PNPLA7: variants seen among roughly 807,000 people sequenced by gnomAD.
The protein encoded by PNPLA7 is patatin-like phospholipase domain-containing protein 7.
A neutral mutation model predicts 161.7 loss-of-function variants in PNPLA7; 153 were observed. That is an observed-to-expected ratio of 0.95 (90% CI 0.83 to 1.08). The LOEUF (loss-of-function observed/expected upper bound fraction) is 1.08, where lower values mean the gene tolerates loss of function less well. PNPLA7 is among the 50% of genes least tolerant of loss of function. PNPLA7 has a pLI of 0.00. For missense variants in PNPLA7, 1,739 were observed against 1,856.6 expected (o/e 0.94, Z 1.16); for synonymous variants, 809 against 782.1 (o/e 1.03, Z -0.57).
At position 137,493,072 on chromosome 9, in the gene PNPLA7, C is replaced by A; in HGVS notation, c.2138G>T (p.Arg713Leu). The change falls in exon 20 of 35, where the codon CGG becomes CTG. Residue 713 changes from arginine to leucine, a missense_variant. This residue lies in a region of PNPLA7 where 192 missense variants were observed against 249.5 expected (regional missense o/e 0.77). Coordinates refer to ENST00000406427, the MANE Select transcript of PNPLA7 (RefSeq NM_001098537.3). Reference protein sequence around the residue: ...IKRRYPQVVTRLIHLLGEKIL... With the variant: ...IKRRYPQVVTLLIHLLGEKIL... ...CTTCTCACCCAAGAGATGAATCAGC[C>A]GAGTCACCACCTGCGGGCAGACACA... 6.2e-7 allele frequency: 1 copy of A among 1,613,892 alleles called. No homozygotes were observed. The highest frequency in any genetic ancestry group is 8.5e-7 in the Non-Finnish European group (1 of 1,179,996).
intron 8 of PNPLA7, among the ~76,000 whole-genome samples, chr9:137,536,184 C>T (rs1835881100): frequency 6.6e-6 from 1 of 151,098 alleles, no homozygotes; most frequent in South Asian, 2.1e-4. Context: ...AAAAGTACAA[C>T]AAAAAGACAA....
chr9:137,467,388 A>G lies in PNPLA7; in HGVS notation c.2968T>C (p.Phe990Leu). Reference sequence around the variant, plus strand: ...TCCTCAGAGTACAGGGCACCCACGAAGGCCCCGATGGACGTGCCTCCCACC... The same window carrying G: ...TCCTCAGAGTACAGGGCACCCACGAGGGCCCCGATGGACGTGCCTCCCACC... ...DMVGGTSIGA[F>L]VGALYSEERN... is the part of the protein sequence containing the mutation. Residue 990 changes from phenylalanine (F) to leucine (L), a missense_variant, in exon 26 of 35, where the codon TTC becomes CTC. Phe to Leu is a conservative substitution (Grantham distance 22). This residue lies in a region of PNPLA7 where 703 missense variants were observed against 694.6 expected (regional missense o/e 1.01). Transcript: ENST00000406427. This position sits in a 1 kb window ranked among gnomAD's most constrained non-coding sequence, Gnocchi z 5.1. 1 of 1,613,400 alleles carries G rather than the reference A, an allele frequency of 6.2e-7. No homozygotes were observed. Among genetic ancestry groups the G allele is most frequent in the Non-Finnish European group, 8.5e-7 (1 of 1,179,948 alleles).
In PNPLA7 at chr9:137,520,081, A is replaced by G. The variant is rs374529142; in HGVS notation, c.958-38T>C. 6.2e-7 allele frequency: 1 copy of G among 1,607,368 alleles called. No individual in the cohort carries two copies. The highest frequency in any genetic ancestry group is 1.3e-5 in the African/African-American group (1 of 74,838). Reference sequence around the variant, plus strand: ...AAGGAAGTTCAGTGCCACCCCAGGAACACCCCACACCCACTGACAGGTGTG... The same window carrying G: ...AAGGAAGTTCAGTGCCACCCCAGGAGCACCCCACACCCACTGACAGGTGTG... On this transcript the variant is annotated intron_variant, in intron 10 of 34. Coordinates refer to ENST00000406427, the MANE Select transcript of PNPLA7 (RefSeq NM_001098537.3). The surrounding 1 kb of genome is among the most constrained non-coding windows in gnomAD (Gnocchi z 5.2).
At chr9:137,513,982 G>A (rs1225779295) in intron 12 of PNPLA7, among the ~76,000 whole-genome samples, 1 of 152,272 alleles carries the variant, frequency 6.6e-6, no homozygotes, top group African/African-American at 2.4e-5. Flanking sequence ...TGCGGCAGGA[G>A]CACGGCTGCA....
intron 11 of PNPLA7, among the ~76,000 whole-genome samples, chr9:137,519,710 G>C (rs911931466): frequency 6.6e-6 from 1 of 151,326 alleles, no homozygotes; most frequent in East Asian, 1.9e-4. Flanking sequence ...GCACGTGAGG[G>C]GACCTGGGGT....
intron 21 of PNPLA7, among the ~76,000 whole-genome samples, chr9:137,483,545 C>T (rs1463266281): frequency 6.6e-6 from 1 of 152,142 alleles, no homozygotes; most frequent in Admixed American, 6.5e-5. Context: ...ACCTCTACCT[C>T]CTGGGTTCAA....
intron 12 of PNPLA7, chr9:137,509,844 G>A (rs1176874993): frequency 9.8e-6 from 4 of 408,900 alleles, no homozygotes; most frequent in South Asian, 6.8e-5. Flanking sequence ...TATAAAACAA[G>A]AATAGTTATA....
intron 21 of PNPLA7, among the ~76,000 whole-genome samples, chr9:137,482,745 G>A (rs556556310): frequency 1.3e-4 from 20 of 152,268 alleles, no homozygotes; most frequent in Non-Finnish European, 2.6e-4. Context: ...AAACGCCAAC[G>A]TCCCGGCCTC....
chr9:137,544,064 G>A (rs1836358386), intron 4 of PNPLA7, among the ~76,000 whole-genome samples: 1 of 152,094 alleles, frequency 6.6e-6, no homozygotes, highest in African/African-American at 2.4e-5. Flanking sequence ...GAGCCCCCAG[G>A]CTTCATGCCT....
Position 137,540,792 on chromosome 9 carries a change from GC to G in PNPLA7, c.667-71del, listed in dbSNP as rs1201199876. ...GACCGCGGGGCCTGGCGGAGGCTCA[GC>G]CCAGCCCAGGGCAGTGGGGCCACGG... On this transcript the variant is annotated intron_variant, in intron 7 of 34. Coordinates refer to ENST00000406427, the MANE Select transcript of PNPLA7 (RefSeq NM_001098537.3). This position sits in a 1 kb window ranked among gnomAD's most constrained non-coding sequence, Gnocchi z 5.1. 3 of 1,441,598 alleles carry G rather than the reference GC, an allele frequency of 2.1e-6. No individual in the cohort carries two copies. Among genetic ancestry groups the G allele is most frequent in the Non-Finnish European group, 2.9e-6 (3 of 1,052,508 alleles). 89.3% of individuals were successfully genotyped at this position (1,441,598 alleles called of 1,614,324 possible).
intron 25 of PNPLA7, among the ~76,000 whole-genome samples, chr9:137,475,726 A>T (rs1831920821): frequency 6.6e-6 from 1 of 152,076 alleles, no homozygotes. Context: ...GTTCCAGAAG[A>T]AAAAACGGCC....
At position 137,505,691 on chromosome 9, in the gene PNPLA7, C is replaced by T. The variant is rs1422192050; in HGVS notation, c.1396G>A (p.Glu466Lys). The T allele has an allele frequency of 1.2e-6, 2 of 1,614,166 alleles. No individual in the cohort carries two copies. The highest frequency in any genetic ancestry group is 1.7e-5 in the Admixed American group (1 of 60,034). The stretch of plus-strand genomic sequence containing the variant: ...TCCGACTTCCTGCTGGCCAGGGTCT[C>T]ATCCGTGTGACTCTCTGAGTGCTGG... The part of the protein sequence containing the change: ...VSQHSESHTD[E>K]TLASRKSDAI... Residue 466 changes from glutamate to lysine, a missense_variant, in exon 14 of 35, where the codon GAG (glutamate) becomes AAG (lysine). Glu to Lys is a moderately conservative substitution (Grantham distance 56). Transcript: ENST00000406427.
At chr9:137,527,209 A>C (rs1028053993) in intron 8 of PNPLA7, among the ~76,000 whole-genome samples, 2 of 151,806 alleles carry the variant, frequency 1.3e-5, no homozygotes, top group African/African-American at 4.8e-5. Context: ...CGGAGGTTGC[A>C]GTGAGCCAAG....
At chr9:137,460,868 C>G in intron 33 of PNPLA7, 131 bp from the exon 34 acceptor site, 2 of 757,578 alleles carry the variant, frequency 2.6e-6, no homozygotes, top group Non-Finnish European at 4.3e-6. Context: ...GCCCTACACG[C>G]AGCCACCTGG....
intron 25 of PNPLA7, among the ~76,000 whole-genome samples, chr9:137,477,817 C>G (rs953559057): frequency 6.6e-6 from 1 of 152,250 alleles, no homozygotes; most frequent in African/African-American, 2.4e-5. Flanking sequence ...AAAACCAGGG[C>G]CACTTTGGGT....
rs750102456 is a variant in PNPLA7, at chr9:137,464,356, T to C, written c.3140A>G (p.Lys1047Arg). 6.2e-7 allele frequency: 1 copy of C among 1,613,704 alleles called. No individual in the cohort carries two copies. The highest frequency in any genetic ancestry group is 1.3e-5 in the African/African-American group (1 of 74,892). ...GFNSSIFSVF[K>R]DQQIEDLWIP... ...GGGGTGCACCTCGATCTGCTGGTCCTTGAAGACGCTGAAGATGCTGCTGTT... is the reference window on the plus strand; with the variant it reads ...GGGGTGCACCTCGATCTGCTGGTCCCTGAAGACGCTGAAGATGCTGCTGTT... The change falls in exon 27 of 35, where the codon AAG (lysine) becomes AGG (arginine). Residue 1047 changes from lysine (K) to arginine (R), a missense_variant. By Grantham distance (26) the Lys-to-Arg change is conservative. Transcript: ENST00000406427.
At chr9:137,480,230 G>T in intron 23 of PNPLA7, 82 bp downstream of exon 23, 1 of 1,490,420 alleles carries the variant, frequency 6.7e-7, no homozygotes, top group South Asian at 1.2e-5. Context: ...AGTTTGTGCA[G>T]TATTTTACTC....
At position 137,491,755 on chromosome 9, in the gene PNPLA7, G is replaced by A. The variant is rs1832774648; in HGVS notation, c.2197+1258C>T. 3 of 985,332 alleles carry A rather than the reference G, an allele frequency of 3.0e-6. No homozygotes were observed. The South Asian group carries it at 1.4e-4, about 46-fold the overall frequency. 61.0% of individuals were successfully genotyped at this position (985,332 alleles called of 1,614,324 possible). A position where few individuals can be genotyped will look rare whatever the true frequency, so the allele number is the denominator to read the frequency against. On this transcript the variant is annotated intron_variant, in intron 20 of 34. Transcript: ENST00000406427. ...GCTTCTTGGACAGACGTTCAATGCT[G>A]TGCACACGTCACTGTGTGAACACAG...
At chr9:137,518,660 T>C (rs1094333) in intron 11 of PNPLA7, among the ~76,000 whole-genome samples, 174 of 32,398 alleles carry the variant, frequency 5.4e-3, no homozygotes, top group Middle Eastern at 0.024. Flanking sequence ...CACTCACTCA[T>C]TCCACTCTGT....
Sources: allele counts gnomAD v4.1 joint callset (sites outside exome capture counted in the v4.1 genomes callset), GRCh38; gene constraint gnomAD v4.1.1; regional missense constraint gnomAD v4.1.1; non-coding constraint Gnocchi (gnomAD v3.1); transcripts MANE v1.5; gene names NCBI Gene and HGNC (gene_info 2026-07-23, HGNC 2026-07-21).